The following CTNNA3 variants were observed in gnomAD, a reference collection of about 807,000 sequenced individuals.
The protein encoded by CTNNA3 is catenin alpha-3.
In CTNNA3, 76 loss-of-function variants were observed where a neutral mutation model predicts 95.7. The ratio of observed to expected loss-of-function variants is 0.79; its 90% CI spans 0.66 to 0.96. The LOEUF (loss-of-function observed/expected upper bound fraction) is 0.96, where lower values mean the gene tolerates loss of function less well. CTNNA3 is among the 40% of genes least tolerant of loss of function. The pLI, the probability that CTNNA3 is intolerant of heterozygous loss-of-function variation, is 0.00. For missense variants in CTNNA3, 1,191 were observed against 1,089.8 expected, an observed-to-expected ratio of 1.09 and a Z score of -1.31; for synonymous variants, 431 against 374.4, an observed-to-expected ratio of 1.15 and a Z score of -1.74.
chr10:67,475,454 T>C (rs1371865284), intron 5 of CTNNA3, among the ~76,000 whole-genome samples: 2 of 152,182 alleles, frequency 1.3e-5, no homozygotes, highest in Non-Finnish European at 2.9e-5. Context: ...AATTCCTACC[T>C]ATGGCTTCCT....
intron 13 of CTNNA3, among the ~76,000 whole-genome samples, chr10:66,169,461 G>C (rs1232213480): frequency 6.6e-6 from 1 of 152,134 alleles, no homozygotes; most frequent in Non-Finnish European, 1.5e-5. Flanking sequence ...TTGCAATTAT[G>C]AATATTGTAA....
chr10:66,605,178 G>A (rs975625934), intron 10 of CTNNA3, among the ~76,000 whole-genome samples: 6 of 152,062 alleles, frequency 3.9e-5, no homozygotes, highest in East Asian at 1.9e-4. Context: ...AGCATTAATC[G>A]TAGAATAGAC....
intron 13 of CTNNA3, among the ~76,000 whole-genome samples, chr10:66,177,464 T>C (rs2131846777): frequency 6.6e-6 from 1 of 152,098 alleles, no homozygotes; most frequent in Middle Eastern, 3.4e-3. Context: ...ATCTATTTTT[T>C]TCAGGGAAGA....
chr10:67,528,769 A>T (rs1316746541), intron 4 of CTNNA3, among the ~76,000 whole-genome samples: 1 of 152,226 alleles, frequency 6.6e-6, no homozygotes, highest in Non-Finnish European at 1.5e-5. Flanking sequence ...GGTGACTGCC[A>T]CAAAGTAAGC....
At chr10:66,330,918 G>A (rs548459500) in intron 12 of CTNNA3, among the ~76,000 whole-genome samples, 10 of 152,132 alleles carry the variant, frequency 6.6e-5, no homozygotes, top group African/African-American at 2.2e-4. Flanking sequence ...TGATGGGGTG[G>A]TTTGTTTTTT....
chr10:66,714,333 T>C (rs1281310275), intron 9 of CTNNA3, among the ~76,000 whole-genome samples: 3 of 152,082 alleles, frequency 2.0e-5, no homozygotes, highest in African/African-American at 7.2e-5. Context: ...TCCATTCTCT[T>C]TCTCTCTTTC....
At chr10:67,228,355 C>T (rs112631172) in intron 5 of CTNNA3, among the ~76,000 whole-genome samples, 5,425 of 152,272 alleles carry the variant, frequency 0.036, 203 homozygotes, top group South Asian at 0.18. Context: ...TGGCTCACGC[C>T]GGTAATCCCA....
intron 7 of CTNNA3, among the ~76,000 whole-genome samples, chr10:67,155,529 ATG>A (rs142928094): frequency 4.9e-4 from 12 of 24,688 alleles, no homozygotes; most frequent in African/African-American, 1.9e-3. Flanking sequence ...GTATTAATAT[ATG>A]TGTGTGTGTG....
chr10:66,997,166 C>A (rs961015301), intron 7 of CTNNA3, among the ~76,000 whole-genome samples: 1 of 152,076 alleles, frequency 6.6e-6, no homozygotes, highest in Non-Finnish European at 1.5e-5. Flanking sequence ...AAGCATTTGG[C>A]AAAACAACCC....
At chr10:66,615,902 A>G (rs1844493686) in intron 10 of CTNNA3, among the ~76,000 whole-genome samples, 1 of 151,968 alleles carries the variant, frequency 6.6e-6, no homozygotes, top group South Asian at 2.1e-4. Context: ...GCCCTTATTT[A>G]ATTTCAGCTT....
chr10:66,046,898 G>A (rs2079840210), intron 15 of CTNNA3, among the ~76,000 whole-genome samples: 1 of 151,922 alleles, frequency 6.6e-6, no homozygotes, highest in African/African-American at 2.4e-5. Flanking sequence ...GTAAATTCTT[G>A]GACACATACA....
chr10:66,178,442 T>TAC (rs1564733880), intron 13 of CTNNA3, among the ~76,000 whole-genome samples: 11 of 95,490 alleles, frequency 1.2e-4, no homozygotes, highest in African/African-American at 3.1e-4. Context: ...TATATATATA[T>TAC]ACACACACAG....
intron 5 of CTNNA3, among the ~76,000 whole-genome samples, chr10:67,268,308 A>ATTAAATTAAAT (rs1866909970): frequency 7.9e-6 from 1 of 126,880 alleles, no homozygotes; most frequent in South Asian, 2.3e-4. Context: ...CTCTACAAAA[A>ATTAAATTAAAT]TAAATTAAAT....
chr10:66,386,889 C>T (rs1051247969), intron 11 of CTNNA3, among the ~76,000 whole-genome samples: 2 of 152,076 alleles, frequency 1.3e-5, no homozygotes, highest in African/African-American at 4.8e-5. Flanking sequence ...AACTGGCTAG[C>T]CATATGTAGA....
intron 10 of CTNNA3, among the ~76,000 whole-genome samples, chr10:66,575,416 G>A (rs994831868): frequency 6.6e-6 from 1 of 152,018 alleles, no homozygotes; most frequent in African/African-American, 2.4e-5. Context: ...TAAATTATAA[G>A]AGGAAAAAAT....
At chr10:66,102,897 A>G (rs2081701953) in intron 14 of CTNNA3, among the ~76,000 whole-genome samples, 1 of 152,184 alleles carries the variant, frequency 6.6e-6, no homozygotes, top group Admixed American at 6.5e-5. Context: ...TTATATTCCC[A>G]TGACTCCTAT....
rs58941459 is a variant in CTNNA3 at position 66,993,694 on chromosome 10, G to GA, written c.1047+186622dup. Among the ~76,000 whole-genome samples the GA allele has an allele frequency of 8.3e-3, 1,182 of 142,176 alleles. 4 individuals carry two copies. The highest frequency in any genetic ancestry group is 0.021 in the African/African-American group (839 of 39,192). 93.3% of individuals were successfully genotyped at this position (142,176 alleles called of 152,430 possible). A position where few individuals can be genotyped will look rare whatever the true frequency, so the allele number is the denominator to read the frequency against. ...GCTCTTGCACTAATGATACATAAAT[G>GA]AAAAAAAAAAAAAAACAGATAAAAC... On this transcript the variant is annotated intron_variant, in intron 7 of 17. Transcript: ENST00000433211.
At chr10:67,125,495 T>C (rs1859679468) in intron 7 of CTNNA3, among the ~76,000 whole-genome samples, 1 of 152,188 alleles carries the variant, frequency 6.6e-6, no homozygotes, top group Non-Finnish European at 1.5e-5. Flanking sequence ...CTAGAATAAA[T>C]TTATACCATT....
intron 10 of CTNNA3, among the ~76,000 whole-genome samples, chr10:66,558,129 A>C (rs2132126227): frequency 6.6e-6 from 1 of 152,248 alleles, no homozygotes; most frequent in African/African-American, 2.4e-5. Flanking sequence ...TGGGATATGG[A>C]TAAGCACATG....
Sources: gnomAD v4.1 joint callset for allele counts (sites outside exome capture counted in the v4.1 genomes callset) on GRCh38, gnomAD v4.1.1 for gene constraint, MANE v1.5 for transcripts, NCBI Gene and HGNC (gene_info 2026-07-23, HGNC 2026-07-21) for gene names.